BRIP1: variants seen among roughly 807,000 people sequenced by gnomAD.
The protein encoded by BRIP1 is Fanconi anemia group J protein.
Under a neutral mutation model 119.7 loss-of-function variants are expected in BRIP1, and 88 were observed. The observed-to-expected ratio is 0.74, with a 90% CI of 0.62 to 0.88. The LOEUF is 0.88. BRIP1 is among the 40% of genes least tolerant of loss of function. The pLI, the probability that BRIP1 is intolerant of heterozygous loss-of-function variation, is 0.00. For synonymous variants in BRIP1, 443 were observed against 496.5 expected, an observed-to-expected ratio of 0.89 and a Z score of 1.43; for missense variants, 1,259 against 1,455.4, an observed-to-expected ratio of 0.87 and a Z score of 2.20.
chr17:61,731,762 C>G (rs1434204037), intron 16 of BRIP1, among the ~76,000 whole-genome samples: 2 of 151,930 alleles, frequency 1.3e-5, no homozygotes, highest in Non-Finnish European at 2.9e-5. Flanking sequence ...TTTCTTATAG[C>G]CTTTATCACA....
intron 14 of BRIP1, among the ~76,000 whole-genome samples, chr17:61,747,547 A>G (rs1426976376): frequency 6.6e-6 from 1 of 152,120 alleles, no homozygotes; most frequent in East Asian, 1.9e-4. Flanking sequence ...AATTCCTAGT[A>G]ATATACAACC....
chr17:61,840,355 CAAAA>C (rs11334899), intron 6 of BRIP1, among the ~76,000 whole-genome samples: 1 of 105,096 alleles, frequency 9.5e-6, no homozygotes. Flanking sequence ...GACTCCGTCT[CAAAA>C]AAAAAAAAAA....
In BRIP1 at chr17:61,687,741, A is replaced by G. The variant is rs999647458; in HGVS notation, c.2576-1576T>C. On this transcript the variant is annotated intron_variant, in intron 18 of 19. Transcript: ENST00000259008. This position sits in a 1 kb window ranked among gnomAD's most constrained non-coding sequence, Gnocchi z 5.1. ...GGATGAAACCATCGAGTGAGAAAAA[A>G]ATGATACTACTGCCTGCATCAAAGC... Among the ~76,000 whole-genome samples, 1 of 152,158 alleles carries G rather than the reference A, an allele frequency of 6.6e-6. No individual in the cohort carries two copies. Among genetic ancestry groups the G allele is most frequent in the Admixed American group, 6.5e-5 (1 of 15,274 alleles).
At position 61,861,469 on chromosome 17, in the gene BRIP1, G is replaced by A. The variant is rs1567878087; in HGVS notation, c.71C>T (p.Ser24Leu). ...TACAGAATTCATCATAGCAAGCTGTGACGGGTAAGCTTTATAAGGAAAGTA... is the reference window on the plus strand; with the variant it reads ...TACAGAATTCATCATAGCAAGCTGTAACGGGTAAGCTTTATAAGGAAAGTA... ...KIYFPYKAYP[S>L]QLAMMNSILR... The change falls in exon 2 of 20, where the codon TCA (serine) becomes TTA (leucine). Residue 24 changes from serine (S) to leucine (L), a missense_variant. Physicochemically the swap from Ser to Leu is moderately radical, Grantham distance 145 (BLOSUM62 -2). Around this residue, in one of 3 missense-constraint regions of BRIP1, gnomAD observed 501 missense variants for 544.0 expected, o/e 0.92. Transcript: ENST00000259008. The surrounding 1 kb of genome is among the most constrained non-coding windows in gnomAD (Gnocchi z 4.5). 1 of 1,612,574 alleles carries A rather than the reference G, an allele frequency of 6.2e-7. No individual in the cohort carries two copies. Among genetic ancestry groups the A allele is most frequent in the South Asian group, 1.1e-5 (1 of 91,044 alleles).
intron 14 of BRIP1, among the ~76,000 whole-genome samples, chr17:61,766,527 T>C (rs2077376430): frequency 6.6e-6 from 1 of 152,212 alleles, no homozygotes; most frequent in Non-Finnish European, 1.5e-5. Flanking sequence ...CACTTTTTAA[T>C]GTAGCAATTT....
At position 61,709,862 on chromosome 17, in the gene BRIP1, T is replaced by C. The variant is rs1348859773; in HGVS notation, c.2492+6089A>G. 7.0e-6 allele frequency among the ~76,000 whole-genome samples: 1 copy of C among 142,740 alleles called. No homozygotes were observed. The highest frequency in any genetic ancestry group is 1.5e-5 in the Non-Finnish European group (1 of 67,978). 93.6% of individuals were successfully genotyped at this position (142,740 alleles called of 152,430 possible). On this transcript the variant is annotated intron_variant, in intron 17 of 19. Coordinates refer to ENST00000259008, the MANE Select transcript of BRIP1 (RefSeq NM_032043.3). This position sits in a 1 kb window ranked among gnomAD's most constrained non-coding sequence, Gnocchi z 5.0. ...TAGACTTATATTACTTCAAATACTC[T>C]AACAGTCCCATGTGTGCTTAAAAAA...
chr17:61,719,384 CAT>C (rs2144436279), intron 16 of BRIP1, among the ~76,000 whole-genome samples: 1 of 152,076 alleles, frequency 6.6e-6, no homozygotes, highest in Admixed American at 6.5e-5. Flanking sequence ...AAATAAAAAA[CAT>C]AAAGTTAAAC....
At chr17:61,771,280 G>A (rs908447834) in intron 14 of BRIP1, among the ~76,000 whole-genome samples, 1 of 152,190 alleles carries the variant, frequency 6.6e-6, no homozygotes, top group Admixed American at 6.5e-5. Context: ...GGCAGTGACT[G>A]TTAATGAGTT....
At position 61,798,949 on chromosome 17, in the gene BRIP1, G is replaced by A; in HGVS notation, c.1340+151C>T. The stretch of plus-strand genomic sequence containing the variant: ...GTGAACAAGACAAAAGGTTGGACTA[G>A]CCTTGTTTTTAAAGCTTAACTGGCA... On this transcript the variant is annotated intron_variant, in intron 9 of 19. Coordinates refer to ENST00000259008, the MANE Select transcript of BRIP1 (RefSeq NM_032043.3). The surrounding 1 kb of genome is among the most constrained non-coding windows in gnomAD (Gnocchi z 5.5). 1 of 714,276 alleles carries A rather than the reference G, an allele frequency of 1.4e-6. No homozygotes were observed. Among genetic ancestry groups the A allele is most frequent in the Non-Finnish European group, 2.4e-6 (1 of 411,284 alleles). 44.2% of individuals were successfully genotyped at this position (714,276 alleles called of 1,614,324 possible).
chr17:61,856,966 G>T lies in BRIP1; in HGVS notation c.379+92C>A. ...TAGATAGAGATATATAATCAGTTAT[G>T]CTAACCAAACTTATATAAATTAGGG... On this transcript the variant is annotated intron_variant, in intron 4 of 19. Transcript: ENST00000259008. The surrounding 1 kb of genome is among the most constrained non-coding windows in gnomAD (Gnocchi z 5.1). 7.8e-7 allele frequency: 1 copy of T among 1,285,092 alleles called. No individual in the cohort carries two copies. Among genetic ancestry groups the T allele is most frequent in the Non-Finnish European group, 1.1e-6 (1 of 883,962 alleles). The allele number at this position is 1,285,092 out of a possible 1,614,324, so 79.6% of individuals were successfully genotyped here. A position where few individuals can be genotyped will look rare whatever the true frequency, so the allele number is the denominator to read the frequency against.
At chr17:61,855,194 G>A (rs2078878554) in intron 4 of BRIP1, among the ~76,000 whole-genome samples, 2 of 152,166 alleles carry the variant, frequency 1.3e-5, no homozygotes, top group Admixed American at 1.3e-4. Flanking sequence ...AAAAAGTTTT[G>A]GATAAAGTGA....
At chr17:61,707,387 C>A (rs1826565186) in intron 17 of BRIP1, among the ~76,000 whole-genome samples, 1 of 152,180 alleles carries the variant, frequency 6.6e-6, no homozygotes. Context: ...AGCTTTTCCT[C>A]CTTTACCTGT....
At chr17:61,859,441 A>G (rs2145846389) in intron 3 of BRIP1, among the ~76,000 whole-genome samples, 1 of 152,116 alleles carries the variant, frequency 6.6e-6, no homozygotes, top group African/African-American at 2.4e-5. Context: ...AAGCGATCCT[A>G]CCACCTCAGT....
intron 10 of BRIP1, among the ~76,000 whole-genome samples, chr17:61,792,656 G>A (rs563583153): frequency 2.4e-4 from 37 of 152,134 alleles, no homozygotes; most frequent in Non-Finnish European, 4.1e-4. Flanking sequence ...GTTGCCAAGG[G>A]TTTGGTGGGT....
chr17:61,821,246 T>C (rs1352138998), intron 6 of BRIP1, among the ~76,000 whole-genome samples: 1 of 152,142 alleles, frequency 6.6e-6, no homozygotes, highest in Non-Finnish European at 1.5e-5. Context: ...AATCAGAGGC[T>C]GAAGTGAAGT....
At chr17:61,702,246 AGTT>A (rs145898869) in intron 17 of BRIP1, among the ~76,000 whole-genome samples, 46 of 151,954 alleles carry the variant, frequency 3.0e-4, no homozygotes, top group East Asian at 2.1e-3. Context: ...ATTGATCTAT[AGTT>A]GTTGTTGTTG....
In BRIP1 at chr17:61,857,879, A is replaced by G. The variant is rs575473931; in HGVS notation, c.206-648T>C. Among the ~76,000 whole-genome samples, 5 of 152,282 alleles carry G rather than the reference A, an allele frequency of 3.3e-5. No homozygotes were observed. Among genetic ancestry groups the G allele is most frequent in the Non-Finnish European group, 7.4e-5 (5 of 68,014 alleles). On this transcript the variant is annotated intron_variant, in intron 3 of 19. Coordinates refer to ENST00000259008, the MANE Select transcript of BRIP1 (RefSeq NM_032043.3). This position sits in a 1 kb window ranked among gnomAD's most constrained non-coding sequence, Gnocchi z 5.1. ...CTAAAATTCAAGAATGGATTGAAACAAGGACATAAAGTATATCCTTAATTA... is the reference window on the plus strand; with the variant it reads ...CTAAAATTCAAGAATGGATTGAAACGAGGACATAAAGTATATCCTTAATTA...
rs185538873 is a variant in BRIP1 at position 61,695,926 on chromosome 17, G to A, written c.2493-2414C>T. On this transcript the variant is annotated intron_variant, in intron 17 of 19. Coordinates refer to ENST00000259008, the MANE Select transcript of BRIP1 (RefSeq NM_032043.3). The surrounding 1 kb of genome is among the most constrained non-coding windows in gnomAD (Gnocchi z 4.3). ...ATCATTTGCAAATAAAAATAGTTCT[G>A]CTTCCTCCTTTCCAATCTGTATACC... Among the ~76,000 whole-genome samples the A allele has an allele frequency of 2.6e-4, 40 of 152,160 alleles. No homozygotes were observed. Among genetic ancestry groups the A allele is most frequent in the Non-Finnish European group, 3.5e-4 (24 of 67,968 alleles).
rs1567731966 is a variant in BRIP1 at position 61,686,112 on chromosome 17, C to G, written c.2629G>C (p.Ala877Pro). The change falls in exon 19 of 20, where the codon GCA becomes CCA. Residue 877 changes from alanine to proline, a missense_variant. By Grantham distance (27) the Ala-to-Pro change is conservative. Coordinates refer to ENST00000259008, the MANE Select transcript of BRIP1 (RefSeq NM_032043.3). This position sits in a 1 kb window ranked among gnomAD's most constrained non-coding sequence, Gnocchi z 5.4. ...GAAAATTCAGCCAAGGATTCCAGTG[C>G]ACTTTCAAAGGTTGAATGGTGCTGA... ...QIQHHSTFES[A>P]LESLAEFSKK... 6.2e-7 allele frequency: 1 copy of G among 1,614,078 alleles called. No individual in the cohort carries two copies. Among genetic ancestry groups the G allele is most frequent in the African/African-American group, 1.3e-5 (1 of 75,052 alleles).
Sources: gnomAD v4.1 joint callset for allele counts (sites outside exome capture counted in the v4.1 genomes callset) on GRCh38, gnomAD v4.1.1 for gene constraint, gnomAD v4.1.1 regional missense constraint, Gnocchi (gnomAD v3.1) non-coding constraint, MANE v1.5 for transcripts, NCBI Gene and HGNC (gene_info 2026-07-23, HGNC 2026-07-21) for gene names.